The following PAX7 variants were observed in gnomAD, a reference collection of about 807,000 sequenced individuals.
The protein encoded by PAX7 is paired box 7.
A neutral mutation model predicts 50.7 loss-of-function variants in PAX7; 18 were observed. The ratio of observed to expected loss-of-function variants is 0.36; its 90% CI spans 0.25 to 0.53. The LOEUF is 0.53. PAX7 is among the 20% of genes least tolerant of loss of function. The probability of loss-of-function intolerance (pLI) is 0.93; values close to 1 mark genes in which losing one functional copy is unlikely to be tolerated. For missense variants in PAX7, 644 were observed against 702.9 expected, an observed-to-expected ratio of 0.92 and a Z score of 0.95; for synonymous variants, 310 against 290.4, an observed-to-expected ratio of 1.07 and a Z score of -0.69.
At chr1:18,711,075 C>T (rs914840890) in intron 7 of PAX7, among the ~76,000 whole-genome samples, 2 of 152,174 alleles carry the variant, frequency 1.3e-5, no homozygotes, top group African/African-American at 2.4e-5. Flanking sequence ...TTCAGGCCTC[C>T]GCTTTCTCGG....
At chr1:18,701,456 A>G (rs2743199) in intron 6 of PAX7, among the ~76,000 whole-genome samples, 6,659 of 151,078 alleles carry the variant, frequency 0.044, 442 homozygotes, top group African/African-American at 0.14. Flanking sequence ...GAGTGTGTGC[A>G]TGTGCACGTG....
At chr1:18,652,706 G>A (rs2088452577) in intron 4 of PAX7, among the ~76,000 whole-genome samples, 1 of 152,164 alleles carries the variant, frequency 6.6e-6, no homozygotes, top group South Asian at 2.1e-4. Context: ...TACCTCAAAG[G>A]AGAGATTATT....
rs145847662 is a variant in PAX7 at position 18,703,124 on chromosome 1, C to T, written c.983C>T (p.Pro328Leu). Residue 328 changes from proline to leucine, a missense_variant, in exon 7 of 9, where the codon CCC becomes CTC. Pro to Leu is a moderately conservative substitution (Grantham distance 98). Transcript: ENST00000420770. Reference sequence around the variant, plus strand: ...GGCAGCACTGTGCACCGGCCTCAGCCCCTGCCACCGTCCACCATGCACCAG... The same window carrying T: ...GGCAGCACTGTGCACCGGCCTCAGCTCCTGCCACCGTCCACCATGCACCAG... The part of the protein sequence containing the change: ...DGGSTVHRPQ[P>L]LPPSTMHQGG... 7 of 1,613,868 alleles carry T rather than the reference C, an allele frequency of 4.3e-6. No homozygotes were observed. The highest frequency in any genetic ancestry group is 5.9e-6 in the Non-Finnish European group (7 of 1,179,952).
Position 18,735,895 on chromosome 1 carries a change from C to G in PAX7, c.1402+17C>G, listed in dbSNP as rs775460387. On this transcript the variant is annotated intron_variant, in intron 8 of 8. Coordinates refer to ENST00000420770, the MANE Select transcript of PAX7 (RefSeq NM_001135254.2). This position sits in a 1 kb window ranked among gnomAD's most constrained non-coding sequence, Gnocchi z 4.0. ...ACGGCCAGAGTGAGTGCCTGGTGCC[C>G]TGGGCGTCCCCCGTCCCCATTCCTT... The G allele has an allele frequency of 1.9e-6, 3 of 1,614,068 alleles. No homozygotes were observed. The highest frequency in any genetic ancestry group is 3.3e-5 in the Admixed American group (2 of 60,030).
At chr1:18,699,686 G>A (rs866579505) in intron 5 of PAX7, among the ~76,000 whole-genome samples, 11 of 151,690 alleles carry the variant, frequency 7.3e-5, no homozygotes, top group Middle Eastern at 3.4e-3. Context: ...TCAGCCTCCC[G>A]ACTAGCTGGG....
chr1:18,670,037 C>T (rs545623814), intron 4 of PAX7, among the ~76,000 whole-genome samples: 3 of 135,684 alleles, frequency 2.2e-5, no homozygotes, highest in South Asian at 2.3e-4. Context: ...GAGCCGAGAT[C>T]GTGCCACTGC....
In PAX7 at chr1:18,708,644, C is replaced by A. The variant is rs2089313210; in HGVS notation, c.1155+5348C>A. Reference sequence around the variant, plus strand: ...ATGACTTTGAATAATGTGACACCTGCAGATTCATCCCTTCATACCAGCCCC... The same window carrying A: ...ATGACTTTGAATAATGTGACACCTGAAGATTCATCCCTTCATACCAGCCCC... On this transcript the variant is annotated intron_variant, in intron 7 of 8. Transcript: ENST00000420770. 5.3e-5 allele frequency among the ~76,000 whole-genome samples: 8 copies of A among 152,168 alleles called. No individual in the cohort carries two copies. The South Asian group carries it at 1.7e-3, about 32-fold the overall frequency.
intron 7 of PAX7, among the ~76,000 whole-genome samples, chr1:18,718,317 G>A (rs1038798779): frequency 6.6e-6 from 1 of 152,206 alleles, no homozygotes; most frequent in African/African-American, 2.4e-5. Flanking sequence ...CAAAAGGATT[G>A]GAGGGTGAGT....
chr1:18,700,345 C>T lies in PAX7; in HGVS notation c.787-308C>T, dbSNP rs1399559034. 6.6e-6 allele frequency among the ~76,000 whole-genome samples: 1 copy of T among 152,148 alleles called. No homozygotes were observed. Among genetic ancestry groups the T allele is most frequent in the Non-Finnish European group, 1.5e-5 (1 of 68,014 alleles). ...AAAGAGCACTGGCCTGAGAGCCACACAGGACTGGCTGGACCACTGACTCAA... is the reference window on the plus strand; with the variant it reads ...AAAGAGCACTGGCCTGAGAGCCACATAGGACTGGCTGGACCACTGACTCAA... On this transcript the variant is annotated intron_variant, in intron 5 of 8. Transcript: ENST00000420770. The surrounding 1 kb of genome is among the most constrained non-coding windows in gnomAD (Gnocchi z 4.8).
At chr1:18,643,671 C>A (rs2088293681) in intron 4 of PAX7, among the ~76,000 whole-genome samples, 1 of 152,158 alleles carries the variant, frequency 6.6e-6, no homozygotes, top group Admixed American at 6.5e-5. Context: ...AGATAGGAGG[C>A]GGGCGAGCCG....
At chr1:18,686,303 C>T (rs1391129860) in intron 4 of PAX7, among the ~76,000 whole-genome samples, 1 of 152,178 alleles carries the variant, frequency 6.6e-6, no homozygotes, top group Non-Finnish European at 1.5e-5. Context: ...AGACAGGATC[C>T]AGGAACTCAG....
chr1:18,732,964 G>A (rs892073512), intron 7 of PAX7, among the ~76,000 whole-genome samples: 1 of 152,174 alleles, frequency 6.6e-6, no homozygotes, highest in Non-Finnish European at 1.5e-5. Context: ...TCTGAAAGAA[G>A]TGATCTGGAG....
intron 5 of PAX7, among the ~76,000 whole-genome samples, chr1:18,697,404 G>C (rs1211079574): frequency 6.6e-6 from 1 of 152,208 alleles, no homozygotes; most frequent in African/African-American, 2.4e-5. Flanking sequence ...AGCTATCTCA[G>C]AGGGTCTCCA....
At chr1:18,686,660 G>A (rs1356255698) in intron 4 of PAX7, among the ~76,000 whole-genome samples, 2 of 152,062 alleles carry the variant, frequency 1.3e-5, no homozygotes, top group Non-Finnish European at 2.9e-5. Flanking sequence ...CCAGGGGTGG[G>A]GAGAGAGAAG....
At chr1:18,732,894 GGA>G (rs1239203075) in intron 7 of PAX7, among the ~76,000 whole-genome samples, 1 of 152,110 alleles carries the variant, frequency 6.6e-6, no homozygotes, top group Non-Finnish European at 1.5e-5. Context: ...GGATCAAACT[GGA>G]GTCTCACGGG....
chr1:18,666,693 C>A (rs1289100869), intron 4 of PAX7, among the ~76,000 whole-genome samples: 3 of 152,144 alleles, frequency 2.0e-5, no homozygotes, highest in Non-Finnish European at 4.4e-5. Context: ...GCCCTGACAC[C>A]ACCCCATTGC....
intron 4 of PAX7, among the ~76,000 whole-genome samples, chr1:18,675,108 T>G (rs1267452496): frequency 6.6e-6 from 1 of 152,116 alleles, no homozygotes; most frequent in East Asian, 1.9e-4. Context: ...CACCTCTTTT[T>G]GAGTGTTTGA....
In PAX7 at chr1:18,725,407, C is replaced by A. The variant is rs141745711; in HGVS notation, c.1156-10225C>A. Among the ~76,000 whole-genome samples the A allele has an allele frequency of 3.7e-4, 56 of 152,152 alleles. No individual in the cohort carries two copies. In the East Asian group the frequency reaches 9.0e-3, roughly 24 times the overall value. On this transcript the variant is annotated intron_variant, in intron 7 of 8. Transcript: ENST00000420770. The stretch of plus-strand genomic sequence containing the variant: ...GGACCAGAGTCAAGGAGGCCCTCCT[C>A]CCTCCCCTCTCCTTCCTCCCGCCTG...
chr1:18,642,746 G>A (rs920578026), intron 4 of PAX7, among the ~76,000 whole-genome samples: 1 of 148,094 alleles, frequency 6.8e-6, no homozygotes, highest in Non-Finnish European at 1.5e-5. Flanking sequence ...CAGGGGGAGG[G>A]AGGGAGGGAA....
Sources: allele counts gnomAD v4.1 joint callset (sites outside exome capture counted in the v4.1 genomes callset), GRCh38; gene constraint gnomAD v4.1.1; non-coding constraint Gnocchi (gnomAD v3.1); transcripts MANE v1.5; gene names NCBI Gene and HGNC (gene_info 2026-07-23, HGNC 2026-07-21).